RTL4: variants seen among roughly 807,000 people sequenced by gnomAD.
RTL4 encodes the protein retrotransposon Gag-like protein 4.
Under a neutral mutation model 5.3 loss-of-function variants are expected in RTL4, and 4 were observed. The ratio of observed to expected loss-of-function variants is 0.75; its 90% confidence interval spans 0.37 to 1.72. The LOEUF (loss-of-function observed/expected upper bound fraction) is 1.72. RTL4 is among the 40% of genes most tolerant of loss of function. RTL4 has a pLI of 0.04. For synonymous variants in RTL4, 98 were observed against 87.3 expected (o/e 1.12, Z -0.68); for missense variants, 260 against 227.1 (o/e 1.14, Z -0.93).
chrX:112,384,579 G>T, the RTL4 span, among the ~76,000 whole-genome samples: 945 of 111,373 alleles, frequency 8.5e-3, 10 homozygotes, highest in African/African-American at 0.029. Flanking sequence ...TATCTGTTTT[G>T]GTGCCAGTAC....
the RTL4 span, among the ~76,000 whole-genome samples, chrX:112,276,134 A>G: frequency 8.9e-6 from 1 of 112,042 alleles, no homozygotes; most frequent in Non-Finnish European, 1.9e-5. Flanking sequence ...TTAAAGAAAG[A>G]GAGCATTTAT....
chrX:112,190,064 G>T, the RTL4 span, among the ~76,000 whole-genome samples: 2 of 112,089 alleles, frequency 1.8e-5, no homozygotes, highest in African/African-American at 6.5e-5. Context: ...ATGCGATAAT[G>T]CATCTTTGTG....
the RTL4 span, among the ~76,000 whole-genome samples, chrX:112,123,893 ACAGG>A: frequency 1.4e-4 from 16 of 111,948 alleles, no homozygotes; most frequent in African/African-American, 4.9e-4. Context: ...ATCAGAGTGA[ACAGG>A]CAATGTACAC....
At chrX:112,170,803 G>A in the RTL4 span, among the ~76,000 whole-genome samples, 1 of 111,434 alleles carries the variant, frequency 9.0e-6, no homozygotes, top group African/African-American at 3.3e-5. Flanking sequence ...AATAGTGAGA[G>A]AGGGCATCCT....
chrX:112,235,561 G>A, the RTL4 span, among the ~76,000 whole-genome samples: 1 of 111,878 alleles, frequency 8.9e-6, no homozygotes, highest in Non-Finnish European at 1.9e-5. Flanking sequence ...GCATCTGGTG[G>A]GATTGACCCC....
chrX:112,163,075 T>C, the RTL4 span, among the ~76,000 whole-genome samples: 9 of 111,802 alleles, frequency 8.0e-5, no homozygotes, highest in African/African-American at 2.9e-4. Context: ...TTTCACTGTG[T>C]TCTACTCTTG....
At chrX:112,226,611 G>A in the RTL4 span, among the ~76,000 whole-genome samples, 1 of 111,465 alleles carries the variant, frequency 9.0e-6, no homozygotes, top group African/African-American at 3.3e-5. Flanking sequence ...ATGTAAAATG[G>A]GGGTAAGAGC....
chrX:112,430,410 A>T, the RTL4 span, among the ~76,000 whole-genome samples: 3 of 110,600 alleles, frequency 2.7e-5, no homozygotes, highest in Non-Finnish European at 5.7e-5. Context: ...TCTTTCTTAG[A>T]ATTTTCATCT....
At chrX:112,310,747 T>C in the RTL4 span, among the ~76,000 whole-genome samples, 4 of 78,476 alleles carry the variant, frequency 5.1e-5, no homozygotes, top group Admixed American at 2.0e-4. Context: ...ATATATTATA[T>C]AAAATAATAT....
At chrX:112,292,897 C>G in the RTL4 span, among the ~76,000 whole-genome samples, 8 of 111,734 alleles carry the variant, frequency 7.2e-5, no homozygotes, top group Middle Eastern at 9.3e-3. Context: ...ATCACTGACT[C>G]TCTGACTCAC....
At chrX:112,089,302 A>G in the RTL4 span, among the ~76,000 whole-genome samples, 1 of 110,945 alleles carries the variant, frequency 9.0e-6, no homozygotes, top group Admixed American at 9.5e-5. Context: ...TTTCAGTGTT[A>G]TATTTAAGAA....
At chrX:112,306,645 A>G in the RTL4 span, among the ~76,000 whole-genome samples, 12 of 111,533 alleles carry the variant, frequency 1.1e-4, 1 homozygote, top group African/African-American at 3.9e-4. Flanking sequence ...GAGGGGAAAG[A>G]TGGAAGGAGG....
the RTL4 span, among the ~76,000 whole-genome samples, chrX:112,209,059 T>C: frequency 8.9e-6 from 1 of 112,353 alleles, no homozygotes; most frequent in Non-Finnish European, 1.9e-5. Flanking sequence ...TATTGGACGA[T>C]GACAGGAATG....
At chrX:112,437,398 A>G in the RTL4 span, among the ~76,000 whole-genome samples, 1 of 112,086 alleles carries the variant, frequency 8.9e-6, no homozygotes, top group Non-Finnish European at 1.9e-5. Flanking sequence ...GTACATTTCA[A>G]TATCACTAAG....
the RTL4 span, among the ~76,000 whole-genome samples, chrX:112,413,836 A>T: frequency 2.1e-3 from 228 of 110,794 alleles, no homozygotes; most frequent in African/African-American, 7.1e-3. Context: ...TTAAATAACT[A>T]AAAGAGTAGA....
At chrX:112,188,825 C>T in the RTL4 span, among the ~76,000 whole-genome samples, 1 of 110,699 alleles carries the variant, frequency 9.0e-6, no homozygotes, top group Non-Finnish European at 1.9e-5. Flanking sequence ...TAAGTAATGT[C>T]GGAGTTGGGA....
chrX:112,160,042 T>A, the RTL4 span, among the ~76,000 whole-genome samples: 6 of 111,633 alleles, frequency 5.4e-5, no homozygotes. Flanking sequence ...TGTTGTCCTG[T>A]CTCTTAGGGC....
the RTL4 span, among the ~76,000 whole-genome samples, chrX:112,373,479 G>A: frequency 1.8e-5 from 2 of 110,634 alleles, no homozygotes; most frequent in Non-Finnish European, 3.8e-5. Context: ...TTGATTTGCA[G>A]GAATTCTTTA....
At chrX:112,445,151 A>G in the RTL4 span, among the ~76,000 whole-genome samples, 5 of 101,211 alleles carry the variant, frequency 4.9e-5, no homozygotes, top group African/African-American at 1.9e-4. Flanking sequence ...GGTATTAAGT[A>G]TGGTGACTGT....
Sources: gnomAD v4.1 joint callset for allele counts (sites outside exome capture counted in the v4.1 genomes callset) on GRCh38, gnomAD v4.1.1 for gene constraint, MANE v1.5 for transcripts, NCBI Gene and HGNC (gene_info 2026-07-23, HGNC 2026-07-21) for gene names.